The following KIAA0319 variants were observed in gnomAD, a reference collection of about 807,000 sequenced individuals.
The protein encoded by KIAA0319 is dyslexia-associated protein KIAA0319.
In KIAA0319, 83 loss-of-function variants were observed where a neutral mutation model predicts 108.4. The observed-to-expected ratio is 0.77, with a 90% CI of 0.64 to 0.92. KIAA0319 has a LOEUF of 0.92. KIAA0319 is among the 40% of genes least tolerant of loss of function. The probability of loss-of-function intolerance (pLI) is 0.00; values close to 1 mark genes in which losing one functional copy is unlikely to be tolerated. For synonymous variants in KIAA0319, 484 were observed against 510.4 expected (o/e 0.95, Z 0.70); for missense variants, 1,195 against 1,322.4 (o/e 0.90, Z 1.49).
At chr6:24,598,783 G>A (rs1396224867) in intron 2 of KIAA0319, 2 of 256,210 alleles carry the variant, frequency 7.8e-6, no homozygotes, top group Non-Finnish European at 1.5e-5. Context: ...GGCTGAGGCA[G>A]GAGAATTCCT....
At chr6:24,564,091 C>T in intron 15 of KIAA0319, 111 bp downstream of exon 15, 4 of 1,374,776 alleles carry the variant, frequency 2.9e-6, no homozygotes, top group Non-Finnish European at 4.0e-6. Flanking sequence ...CAGCCAAGAG[C>T]TGGAGCCAGC....
intron 4 of KIAA0319, among the ~76,000 whole-genome samples, chr6:24,587,559 C>T (rs1371252393): frequency 1.3e-5 from 2 of 151,918 alleles, no homozygotes; most frequent in South Asian, 2.1e-4. Flanking sequence ...GGATTACAGG[C>T]GTGAGCCACC....
intron 20 of KIAA0319, among the ~76,000 whole-genome samples, chr6:24,548,355 T>C (rs1412595281): frequency 1.3e-5 from 2 of 152,180 alleles, no homozygotes; most frequent in Non-Finnish European, 2.9e-5. Flanking sequence ...ACCTCCTGCC[T>C]CACAGATTGA....
chr6:24,579,925 T>C lies in KIAA0319; in HGVS notation c.1305A>G (p.Val435=), dbSNP rs1766218717. Residue 435 remains valine (V), a synonymous_variant, in exon 8 of 21, where the codon GTA becomes GTG. Transcript: ENST00000378214. The part of the protein sequence containing the change: ...KPARRVNLPP[V]AVVSPQLQEL... ...CTTGCAGTTGGGGAGAAACAACTGC[T>C]ACAGGTGGCAGGTTGACTCTTCTGG... 14 of 1,597,752 alleles carry C rather than the reference T, an allele frequency of 8.8e-6. No individual in the cohort carries two copies. In the East Asian group the frequency reaches 2.5e-4, roughly 28 times the overall value.
chr6:24,580,045 A>G (rs1766241553), intron 7 of KIAA0319, 95 bp from the exon 8 acceptor site: 2 of 926,418 alleles, frequency 2.2e-6, no homozygotes, highest in African/African-American at 1.7e-5. Flanking sequence ...TTGATTATAC[A>G]TGTCCTGTCA....
chr6:24,608,091 G>T (rs1046993770), intron 1 of KIAA0319, among the ~76,000 whole-genome samples: 4 of 152,010 alleles, frequency 2.6e-5, no homozygotes, highest in African/African-American at 9.7e-5. Context: ...AAAAAATACA[G>T]AAAACATAAT....
At position 24,599,906 on chromosome 6, in the gene KIAA0319, C is replaced by T. The variant is rs537719468; in HGVS notation, c.55+1143G>A. ...GGAGACCCACCTGAGGCTCAGCGCT[C>T]GCCCTCAGCCGACCCGCGGGAGAGT... On this transcript the variant is annotated intron_variant, in intron 2 of 20. Coordinates refer to ENST00000378214, the MANE Select transcript of KIAA0319 (RefSeq NM_014809.4). The surrounding 1 kb of genome is among the most constrained non-coding windows in gnomAD (Gnocchi z 4.1). The T allele has an allele frequency of 7.0e-5, 21 of 302,012 alleles. No homozygotes were observed. The highest frequency in any genetic ancestry group is 3.8e-4 in the African/African-American group (17 of 44,628). 18.7% of individuals were successfully genotyped at this position (302,012 alleles called of 1,614,324 possible). A position where few individuals can be genotyped will look rare whatever the true frequency, so the allele number is the denominator to read the frequency against.
At chr6:24,592,919 C>T (rs1768740264) in intron 3 of KIAA0319, among the ~76,000 whole-genome samples, 1 of 152,116 alleles carries the variant, frequency 6.6e-6, no homozygotes, top group Admixed American at 6.5e-5. Context: ...CTGCAGTGAG[C>T]TGAGATCACG....
At chr6:24,637,528 C>T (rs900872374) in intron 1 of KIAA0319, among the ~76,000 whole-genome samples, 1 of 152,188 alleles carries the variant, frequency 6.6e-6, no homozygotes, top group African/African-American at 2.4e-5. Context: ...TAGTAAATTT[C>T]TAGGACCCTC....
intron 14 of KIAA0319, among the ~76,000 whole-genome samples, chr6:24,565,531 G>T (rs757947123): frequency 2.0e-5 from 3 of 151,982 alleles, no homozygotes; most frequent in Non-Finnish European, 2.9e-5. Context: ...GAAGCGGGTG[G>T]ATCACAAGGT....
At chr6:24,631,136 C>A (rs62400556) in intron 1 of KIAA0319, among the ~76,000 whole-genome samples, 4,151 of 152,318 alleles carry the variant, frequency 0.027, 68 homozygotes, top group Non-Finnish European at 0.039. Context: ...AAGATGCAGC[C>A]ATAATATATT....
chr6:24,586,499 G>T (rs1442318649), intron 4 of KIAA0319, among the ~76,000 whole-genome samples: 6 of 152,146 alleles, frequency 3.9e-5, no homozygotes, highest in Non-Finnish European at 8.8e-5. Flanking sequence ...CCATAGAGAA[G>T]GTCCTGACAA....
rs1770332680 is a variant in KIAA0319, at chr6:24,599,815, T to C, written c.55+1234A>G. The C allele has an allele frequency of 2.2e-6, 1 of 457,616 alleles. No individual in the cohort carries two copies. The highest frequency in any genetic ancestry group is 2.7e-5 in the Admixed American group (1 of 36,962). The allele number at this position is 457,616 out of a possible 1,614,324, so 28.3% of individuals were successfully genotyped here. ...ATGGCCACAGCAGCCCCTCCCAGCC[T>C]ACCCCCTCCTGTGACTGCCCCAGAG... On this transcript the variant is annotated intron_variant, in intron 2 of 20. Coordinates refer to ENST00000378214, the MANE Select transcript of KIAA0319 (RefSeq NM_014809.4). The surrounding 1 kb of genome is among the most constrained non-coding windows in gnomAD (Gnocchi z 4.1).
At position 24,583,647 on chromosome 6, in the gene KIAA0319, A is replaced by G; in HGVS notation, c.1050T>C (p.Asn350=). 2 of 1,613,944 alleles carry G rather than the reference A, an allele frequency of 1.2e-6. No homozygotes were observed. Among genetic ancestry groups the G allele is most frequent in the East Asian group, 2.2e-5 (1 of 44,870 alleles). ...GDNLIITLPD[N]EVELKAFVAP... is the part of the protein sequence containing the mutation. ...CAACAAAGGCCTTCAGTTCAACTTC[A>G]TTGTCGGGTAAAGTTATAATTAGGT... The change falls in exon 5 of 21, where the codon AAT becomes AAC. Residue 350 remains asparagine (N), a synonymous_variant. Transcript: ENST00000378214.
At chr6:24,625,068 A>G (rs1774517526) in intron 1 of KIAA0319, among the ~76,000 whole-genome samples, 2 of 152,250 alleles carry the variant, frequency 1.3e-5, no homozygotes, top group Non-Finnish European at 1.5e-5. Flanking sequence ...CCCTCTCTAA[A>G]AAACAGAAAC....
chr6:24,547,870 T>G (rs142033322), intron 20 of KIAA0319, among the ~76,000 whole-genome samples: 2 of 152,100 alleles, frequency 1.3e-5, no homozygotes, highest in Non-Finnish European at 2.9e-5. Flanking sequence ...TAGCTAGGGG[T>G]TTAAGACATA....
intron 1 of KIAA0319, among the ~76,000 whole-genome samples, chr6:24,613,195 C>T (rs983156314): frequency 1.3e-5 from 2 of 152,042 alleles, no homozygotes; most frequent in African/African-American, 4.8e-5. Flanking sequence ...TTAAGAGCTT[C>T]GAGTGAGTAA....
intron 3 of KIAA0319, among the ~76,000 whole-genome samples, chr6:24,590,657 T>C (rs1459859281): frequency 6.6e-6 from 1 of 152,128 alleles, no homozygotes; most frequent in African/African-American, 2.4e-5. Context: ...AGAATGAAGG[T>C]AGACAGTGGT....
At chr6:24,582,396 A>G (rs1176165928) in intron 5 of KIAA0319, 50 bp from the exon 6 acceptor site, 1 of 1,115,604 alleles carries the variant, frequency 9.0e-7, no homozygotes. Context: ...AGAGGACACT[A>G]GATAACCTGG....
Sources: allele counts gnomAD v4.1 joint callset (sites outside exome capture counted in the v4.1 genomes callset), GRCh38; gene constraint gnomAD v4.1.1; non-coding constraint Gnocchi (gnomAD v3.1); transcripts MANE v1.5; gene names NCBI Gene and HGNC (gene_info 2026-07-23, HGNC 2026-07-21).